ZBTB37: variants seen among roughly 807,000 people sequenced by gnomAD.
ZBTB37 encodes the protein zinc finger and BTB domain-containing protein 37.
In ZBTB37, 15 loss-of-function variants were observed where a neutral mutation model predicts 37.7. That is an observed-to-expected ratio of 0.40 (90% CI 0.27 to 0.61). ZBTB37 has a LOEUF of 0.61. Ranked by LOEUF, ZBTB37 falls within the 20% of genes least tolerant of loss-of-function variation. The pLI, the probability that ZBTB37 is intolerant of heterozygous loss-of-function variation, is 0.44. For missense variants in ZBTB37, 514 were observed against 641.9 expected, an observed-to-expected ratio of 0.80 and a Z score of 2.15; for synonymous variants, 231 against 220.6, an observed-to-expected ratio of 1.05 and a Z score of -0.42.
downstream of ZBTB37, chr1:173,888,794 T>A (rs1404130149): frequency 1.3e-5 from 2 of 152,204 alleles, no homozygotes; most frequent in East Asian, 1.9e-4. Context: ...TGGAGCTTTT[T>A]AAACTATTAC....
exon 3 of ZBTB37, chr1:173,870,846 C>T (rs764941800): frequency 1.2e-6 from 2 of 1,614,190 alleles, no homozygotes; most frequent in Non-Finnish European, 1.7e-6. Context: ...ATGTAGAGAG[C>T]CGGGAGCCCA....
intron 3 of ZBTB37, 68 bp from the exon 4 acceptor site, chr1:173,873,398 AC>A (rs1171469007): frequency 3.4e-6 from 5 of 1,470,990 alleles, no homozygotes; most frequent in Non-Finnish European, 4.6e-6. Flanking sequence ...AAGAGGGGCG[AC>A]ATCACCATTT....
At chr1:173,884,341 A>G (rs558539014) in intron 4 of ZBTB37, among the ~76,000 whole-genome samples, 2 of 151,808 alleles carry the variant, frequency 1.3e-5, no homozygotes, top group Non-Finnish European at 2.9e-5. Context: ...TATTTTTTGT[A>G]CAGGTGGGGT....
At chr1:173,902,370 C>G (rs1657296371) in exon 4 of ZBTB37, 1 of 152,130 alleles carries the variant, frequency 6.6e-6, no homozygotes, top group Non-Finnish European at 1.5e-5. Context: ...AATGTTATCC[C>G]TGAAAGGGAA....
exon 4 of ZBTB37, chr1:173,897,234 A>G (rs1657084996): frequency 6.6e-6 from 1 of 152,172 alleles, no homozygotes; most frequent in Non-Finnish European, 1.5e-5. Flanking sequence ...GCATTTTGTT[A>G]GCTGTATCAT....
At chr1:173,870,305 T>A in exon 3 of ZBTB37, 1 of 1,614,244 alleles carries the variant, frequency 6.2e-7, no homozygotes, top group Non-Finnish European at 8.5e-7. Flanking sequence ...CAGTTGCGCA[T>A]GCAGGGCCGT....
downstream of ZBTB37, chr1:173,887,544 C>T (rs779879265): frequency 1.3e-5 from 2 of 152,098 alleles, no homozygotes; most frequent in South Asian, 4.1e-4. Context: ...GATTCTTAAT[C>T]CAGCACTGAG....
chr1:173,887,420 A>C (rs1475989480), downstream of ZBTB37: 3 of 152,204 alleles, frequency 2.0e-5, no homozygotes, highest in Non-Finnish European at 4.4e-5. Context: ...ATCATGCAGA[A>C]TCATGTTGCA....
chr1:173,869,758 C>T (rs560760363), intron 2 of ZBTB37, among the ~76,000 whole-genome samples: 1 of 149,700 alleles, frequency 6.7e-6, no homozygotes, highest in African/African-American at 2.6e-5. Flanking sequence ...TAGTAAAATA[C>T]TAAGAAGAGG....
At chr1:173,890,090 C>G (rs1656786902), downstream of ZBTB37, 1 of 152,136 alleles carries the variant, frequency 6.6e-6, no homozygotes, top group African/African-American at 2.4e-5. Flanking sequence ...TCTCAAACTC[C>G]TGGGCTCAAG....
At chr1:173,882,230 G>A (rs1309794338) in intron 4 of ZBTB37, among the ~76,000 whole-genome samples, 1 of 144,894 alleles carries the variant, frequency 6.9e-6, no homozygotes, top group Non-Finnish European at 1.5e-5. Context: ...CACTCTGATG[G>A]TAGTTTCTTT....
At chr1:173,902,469 C>G (rs539030097) in exon 4 of ZBTB37, 1 of 152,340 alleles carries the variant, frequency 6.6e-6, no homozygotes, top group South Asian at 2.1e-4. Flanking sequence ...GTCTTTTCAT[C>G]TGAAGCAGTT....
chr1:173,879,838 C>G (rs1374114894), intron 4 of ZBTB37, among the ~76,000 whole-genome samples: 1 of 152,106 alleles, frequency 6.6e-6, no homozygotes, highest in Non-Finnish European at 1.5e-5. Flanking sequence ...GTAATCTCAG[C>G]TACTCGGGAG....
chr1:173,900,220 T>C (rs73039035), exon 4 of ZBTB37: 18,782 of 135,172 alleles, frequency 0.14, 1,274 homozygotes, highest in East Asian at 0.24. Context: ...TCTTGGATTG[T>C]TTTTTTGTGA....
At chr1:173,896,262 G>A (rs1657042364) in exon 4 of ZBTB37, 1 of 152,100 alleles carries the variant, frequency 6.6e-6, no homozygotes, top group South Asian at 2.1e-4. Flanking sequence ...AACATGTTAA[G>A]GGACAAATTT....
intron 4 of ZBTB37, among the ~76,000 whole-genome samples, chr1:173,877,065 A>G (rs1656013856): frequency 1.3e-5 from 2 of 152,226 alleles, no homozygotes; most frequent in African/African-American, 4.8e-5. Context: ...AATATAGTAA[A>G]TATTTGTGTA....
At chr1:173,884,104 GA>G (rs1202141025) in intron 4 of ZBTB37, among the ~76,000 whole-genome samples, 7 of 151,090 alleles carry the variant, frequency 4.6e-5, no homozygotes, top group Non-Finnish European at 1.0e-4. Context: ...ATTTCTGATT[GA>G]TTTTTTTAAT....
At chr1:173,870,083 T>G (rs1655441106) in intron 2 of ZBTB37, 117 bp from the exon 3 acceptor site, 1 of 685,408 alleles carries the variant, frequency 1.5e-6, no homozygotes, top group African/African-American at 1.8e-5. Context: ...GGTATTTCTT[T>G]TATCTGGAGA....
exon 3 of ZBTB37, chr1:173,870,665 A>G (rs754705760): frequency 6.2e-7 from 1 of 1,614,204 alleles, no homozygotes; most frequent in Non-Finnish European, 8.5e-7. Flanking sequence ...AAGCATCAAG[A>G]GAGACCTCCA....
Sources: allele counts gnomAD v4.1 joint callset (sites outside exome capture counted in the v4.1 genomes callset), GRCh38; gene constraint gnomAD v4.1.1; transcripts MANE v1.5; gene names NCBI Gene and HGNC (gene_info 2026-07-23, HGNC 2026-07-21).